The following HERC2 variants were observed in gnomAD, a reference collection of about 807,000 sequenced individuals.
HERC2 encodes the protein HECT and RLD domain containing E3 ubiquitin protein ligase 2.
HERC2 carries 102 observed loss-of-function variants against 537.7 expected under a neutral mutation model. The ratio of observed to expected loss-of-function variants is 0.19; its 90% CI spans 0.16 to 0.22. The LOEUF is 0.22. Ranked by LOEUF, HERC2 falls within the 10% of genes least tolerant of loss-of-function variation. The probability of loss-of-function intolerance (pLI) is 1.00; values close to 1 mark genes in which losing one functional copy is unlikely to be tolerated. For missense variants in HERC2, 4,236 were observed against 6,198.2 expected, an observed-to-expected ratio of 0.68 and a Z score of 10.63; for synonymous variants, 2,224 against 2,466.2, an observed-to-expected ratio of 0.90 and a Z score of 2.91.
chr15:28,291,447 A>C (rs80193027), intron 4 of HERC2, among the ~76,000 whole-genome samples: 1 of 152,270 alleles, frequency 6.6e-6, no homozygotes, highest in East Asian at 1.9e-4. Context: ...AAGGAAAAAA[A>C]ACCCTGAATA....
At chr15:28,211,296 T>C in intron 43 of HERC2, 151 bp from the exon 44 acceptor site, 1 of 603,864 alleles carries the variant, frequency 1.7e-6, no homozygotes, top group Non-Finnish European at 3.0e-6. Context: ...GGCTTGCCTT[T>C]CCCAGAGTTA....
At chr15:28,271,444 G>A (rs914227706) in intron 9 of HERC2, among the ~76,000 whole-genome samples, 6 of 152,132 alleles carry the variant, frequency 3.9e-5, no homozygotes, top group African/African-American at 1.2e-4. Flanking sequence ...AGGCGCAGGC[G>A]GATCACAAGG....
chr15:28,249,447 G>T (rs996183447), intron 20 of HERC2, among the ~76,000 whole-genome samples: 1 of 152,234 alleles, frequency 6.6e-6, no homozygotes, highest in African/African-American at 2.4e-5. Flanking sequence ...AGAAACATAT[G>T]TTCCCAGAAG....
rs558447610 is a variant in HERC2, at chr15:28,129,536, C to T, written c.12802+627G>A. ...GTTCAGGCACAGTGAACCACACCTA[C>T]CACCTAGGGAACAGGGGATCCCTCC... On this transcript the variant is annotated intron_variant, in intron 83 of 92. Coordinates refer to ENST00000261609, the MANE Select transcript of HERC2 (RefSeq NM_004667.6). Among the ~76,000 whole-genome samples the T allele has an allele frequency of 1.4e-4, 21 of 152,338 alleles. 1 individual carries two copies. The highest frequency in any genetic ancestry group is 5.2e-4 in the Admixed American group (8 of 15,306).
chr15:28,229,834 G>A lies in HERC2; in HGVS notation c.4823C>T (p.Pro1608Leu), dbSNP rs781394266. 3.9e-6 allele frequency: 5 copies of A among 1,290,624 alleles called. No individual in the cohort carries two copies. Among genetic ancestry groups the A allele is most frequent in the South Asian group, 1.2e-5 (1 of 83,422 alleles). The allele number at this position is 1,290,624 out of a possible 1,614,324, so 79.9% of individuals were successfully genotyped here. A position where few individuals can be genotyped will look rare whatever the true frequency, so the allele number is the denominator to read the frequency against. The change falls in exon 32 of 93, where the codon CCG becomes CTG. Residue 1608 changes from proline (P) to leucine (L), a missense_variant. Physicochemically the swap from Pro to Leu is moderately conservative, Grantham distance 98. Around this residue, in one of 27 missense-constraint regions of HERC2, gnomAD observed 343 missense variants for 417.2 expected, o/e 0.82. Coordinates refer to ENST00000261609, the MANE Select transcript of HERC2 (RefSeq NM_004667.6). The part of the protein sequence containing the change: ...AIKSPKDKWQ[P>L]LLSTVTGVHK... ...AACACCTGTAACAGTACTCAACAGCGGCTGCCATTTGTCCTAACAAAGGAA... is the reference window on the plus strand; with the variant it reads ...AACACCTGTAACAGTACTCAACAGCAGCTGCCATTTGTCCTAACAAAGGAA...
chr15:28,250,580 C>T (rs770388991), intron 20 of HERC2, among the ~76,000 whole-genome samples: 33 of 152,280 alleles, frequency 2.2e-4, no homozygotes, highest in Admixed American at 5.2e-4. Context: ...TGGCTCCTCG[C>T]CAGCATGTAA....
intron 4 of HERC2, 140 bp from the exon 5 acceptor site, chr15:28,280,427 A>AACCCT: frequency 1.5e-6 from 1 of 664,852 alleles, no homozygotes. Context: ...CACTTTACAC[A>AACCCT]CATGAGCTCA....
At position 28,132,083 on chromosome 15, in the gene HERC2, G is replaced by A. The variant is rs201221568; in HGVS notation, c.12570+17C>T. The stretch of plus-strand genomic sequence containing the variant: ...GTGAGCTGGGAGAGCACTGGGCAGG[G>A]AAAGAATGGGAAATACCTTCATAGG... On this transcript the variant is annotated intron_variant, in intron 81 of 92. Coordinates refer to ENST00000261609, the MANE Select transcript of HERC2 (RefSeq NM_004667.6). The A allele has an allele frequency of 1.3e-6, 2 of 1,575,210 alleles. No individual in the cohort carries two copies. Among genetic ancestry groups the A allele is most frequent in the East Asian group, 2.3e-5 (1 of 43,462 alleles).
At chr15:28,250,171 C>A (rs1327241571) in intron 20 of HERC2, among the ~76,000 whole-genome samples, 4 of 151,580 alleles carry the variant, frequency 2.6e-5, no homozygotes, top group Non-Finnish European at 5.9e-5. Flanking sequence ...GCTTGTCAAT[C>A]CCACTTGCCC....
rs554386725 is a variant in HERC2, at chr15:28,216,351, A to T, written c.6029-549T>A. 2.3e-4 allele frequency among the ~76,000 whole-genome samples: 35 copies of T among 152,044 alleles called. No homozygotes were observed. In the South Asian group the frequency reaches 2.7e-3, roughly 12 times the overall value. ...GTATTTTTAGTAGAGACAGTTTCCA[A>T]TCCAAGTTTAATACATCTGCATTAA... On this transcript the variant is annotated intron_variant, in intron 38 of 92. Coordinates refer to ENST00000261609, the MANE Select transcript of HERC2 (RefSeq NM_004667.6).
At chr15:28,165,336 A>T (rs771049146) in intron 68 of HERC2, among the ~76,000 whole-genome samples, 4 of 152,220 alleles carry the variant, frequency 2.6e-5, no homozygotes, top group Non-Finnish European at 5.9e-5. Context: ...CTGAACTGTA[A>T]GTAAATAGCC....
chr15:28,260,631 C>T (rs1335690895), intron 16 of HERC2, 146 bp downstream of exon 16: 47 of 648,754 alleles, frequency 7.2e-5, no homozygotes, highest in Admixed American at 3.0e-5. Flanking sequence ...AAGGAAACTA[C>T]AGTGAAGCTC....
At chr15:28,273,219 CAG>C in intron 7 of HERC2, 1 of 596,602 alleles carries the variant, frequency 1.7e-6, no homozygotes, top group South Asian at 2.0e-5. Flanking sequence ...AGTGTTCACT[CAG>C]ATACTATATT....
At chr15:28,141,266 A>G (rs1891199091) in intron 78 of HERC2, among the ~76,000 whole-genome samples, 166 bp downstream of exon 78, 1 of 151,858 alleles carries the variant, frequency 6.6e-6, no homozygotes, top group Non-Finnish European at 1.5e-5. Context: ...TTTAAAGATT[A>G]TACAAAAATA....
In HERC2 at chr15:28,141,524, C is replaced by G. The variant is rs376550266; in HGVS notation, c.11923G>C (p.Val3975Leu). ...GCAAGGGCTTCACAGGGAGTGGGAA[C>G]TTTGACTTTTGCGCCTTCAATGCCC... ...LGGIEGAKVK[V>L]PTPCEALATL... The change falls in exon 78 of 93, where the codon GTT becomes CTT. Residue 3975 changes from valine (V) to leucine (L), a missense_variant. Physicochemically the swap from Val to Leu is conservative, Grantham distance 32. This residue lies in a region of HERC2 where 156 missense variants were observed against 172.3 expected (regional missense o/e 0.91). Transcript: ENST00000261609. The G allele has an allele frequency of 3.1e-6, 5 of 1,614,028 alleles. No homozygotes were observed. Among genetic ancestry groups the G allele is most frequent in the Non-Finnish European group, 4.2e-6 (5 of 1,180,040 alleles).
In HERC2 at chr15:28,280,250, A is replaced by G. The variant is rs2075987594; in HGVS notation, c.360T>C (p.Val120=). The change falls in exon 5 of 93, where the codon GTT becomes GTC. Residue 120 remains valine, a synonymous_variant. Transcript: ENST00000261609. ...GGACGGCCAGGGCCTGCTGCTCTTT[A>G]ACCAGCACAGAAAGACACTCCTTCA... ...NELKECLSVL[V]KEQQALAVQS... is the part of the protein sequence containing the mutation. 3 of 1,614,104 alleles carry G rather than the reference A, an allele frequency of 1.9e-6. No homozygotes were observed. Among genetic ancestry groups the G allele is most frequent in the Non-Finnish European group, 2.5e-6 (3 of 1,180,004 alleles).
intron 83 of HERC2, among the ~76,000 whole-genome samples, chr15:28,126,955 A>C (rs893274056): frequency 3.3e-5 from 5 of 152,224 alleles, no homozygotes; most frequent in African/African-American, 1.2e-4. Context: ...GAATCATCAC[A>C]CTTTTCAGTG....
At chr15:28,184,517 T>C (rs1337786359) in intron 56 of HERC2, among the ~76,000 whole-genome samples, 1 of 152,196 alleles carries the variant, frequency 6.6e-6, no homozygotes, top group Non-Finnish European at 1.5e-5. Flanking sequence ...ATCTGATCAA[T>C]GAGTAAAGCT....
chr15:28,291,902 C>T (rs28627850), intron 4 of HERC2, among the ~76,000 whole-genome samples: 1 of 77,822 alleles, frequency 1.3e-5, no homozygotes, highest in African/African-American at 5.8e-5. Context: ...AAGACTCCGT[C>T]TCAAAGGAAA....
Sources: gnomAD v4.1 joint callset for allele counts (sites outside exome capture counted in the v4.1 genomes callset) on GRCh38, gnomAD v4.1.1 for gene constraint, gnomAD v4.1.1 regional missense constraint, MANE v1.5 for transcripts, NCBI Gene and HGNC (gene_info 2026-07-23, HGNC 2026-07-21) for gene names.